The following TRRAP variants were observed in gnomAD, a reference collection of about 807,000 sequenced individuals.
TRRAP encodes transformation/transcription domain-associated protein.
TRRAP carries 41 observed loss-of-function variants against 438.8 expected under a neutral mutation model. The observed-to-expected ratio is 0.09, with a 90% CI of 0.07 to 0.12. The LOEUF is 0.12. Ranked by LOEUF, TRRAP falls within the 10% of genes least tolerant of loss-of-function variation. TRRAP has a pLI of 1.00. For missense variants in TRRAP, 3,122 were observed against 5,055.1 expected, an observed-to-expected ratio of 0.62 and a Z score of 11.60; for synonymous variants, 1,994 against 1,962.9, an observed-to-expected ratio of 1.02 and a Z score of -0.42.
Position 98,921,816 on chromosome 7 carries a change from G to A in TRRAP, c.2686G>A (p.Gly896Ser), listed in dbSNP as rs781890433. Reference protein sequence around the residue: ...SISHVAYRVLGKFGGSNRKML... With the variant: ...SISHVAYRVLSKFGGSNRKML... ...CTCCCACGTGGCCTACCGTGTGCTC[G>A]GTAAGTTTGGCGGCAGTAACAGGAA... Residue 896 changes from glycine to serine, a missense_variant, in exon 21 of 73, where the codon GGT becomes AGT. Gly to Ser is a moderately conservative substitution (Grantham distance 56). Coordinates refer to ENST00000456197, the MANE Select transcript of TRRAP (RefSeq NM_001375524.1). 5.6e-6 allele frequency: 9 copies of A among 1,614,182 alleles called. No homozygotes were observed. Among genetic ancestry groups the A allele is most frequent in the Non-Finnish European group, 6.8e-6 (8 of 1,180,028 alleles).
At chr7:98,921,122 C>T (rs1250401839) in intron 20 of TRRAP, among the ~76,000 whole-genome samples, 1 of 152,236 alleles carries the variant, frequency 6.6e-6, no homozygotes, top group Non-Finnish European at 1.5e-5. Flanking sequence ...CAGGCGTGAG[C>T]AGCATGTGCC....
intron 33 of TRRAP, 21 bp downstream of exon 33, chr7:98,945,971 A>G (rs1554416697): frequency 1.4e-6 from 2 of 1,442,630 alleles, no homozygotes; most frequent in African/African-American, 2.9e-5. Context: ...GAGCGGAGCT[A>G]CAGGAGGGGG....
At chr7:98,984,041 T>C in intron 60 of TRRAP, 52 bp from the exon 61 acceptor site, 2 of 1,504,620 alleles carry the variant, frequency 1.3e-6, no homozygotes, top group Non-Finnish European at 8.9e-7. Flanking sequence ...TGTTGTGAAG[T>C]GCTTTGAAAG....
rs184160155 is a variant in TRRAP, at chr7:98,914,173, T to C, written c.2200-1550T>C. Among the ~76,000 whole-genome samples the C allele has an allele frequency of 6.1e-3, 934 of 152,182 alleles. 10 individuals are homozygous for C. Among genetic ancestry groups the C allele is most frequent in the African/African-American group, 0.021 (870 of 41,516 alleles). On this transcript the variant is annotated intron_variant, in intron 18 of 72. Coordinates refer to ENST00000456197, the MANE Select transcript of TRRAP (RefSeq NM_001375524.1). ...ACTTCCGGAGGCTGAGGCAGGAGGA[T>C]TGCTTGAGCCCAAGAGTTCAAGACC...
intron 62 of TRRAP, among the ~76,000 whole-genome samples, chr7:98,985,867 C>T (rs1345414223): frequency 6.6e-6 from 1 of 152,198 alleles, no homozygotes; most frequent in East Asian, 1.9e-4. Flanking sequence ...CAGTGTTACA[C>T]AACCATTACC....
chr7:98,967,303 A>C (rs1792199890), intron 50 of TRRAP, 141 bp downstream of exon 50: 2 of 1,333,202 alleles, frequency 1.5e-6, no homozygotes, highest in Non-Finnish European at 2.1e-6. Flanking sequence ...TGTGTGACCT[A>C]CTTTGGTGTC....
intron 48 of TRRAP, among the ~76,000 whole-genome samples, chr7:98,965,181 G>A (rs1792097648): frequency 6.6e-6 from 1 of 152,276 alleles, no homozygotes; most frequent in Non-Finnish European, 1.5e-5. Flanking sequence ...AAGTCTGTGA[G>A]TGTAAGAATG....
intron 18 of TRRAP, among the ~76,000 whole-genome samples, chr7:98,914,182 C>G (rs1789411492): frequency 6.6e-6 from 1 of 151,966 alleles, no homozygotes; most frequent in Non-Finnish European, 1.5e-5. Flanking sequence ...ATTGCTTGAG[C>G]CCAAGAGTTC....
Position 98,964,792 on chromosome 7 carries a change from C to T in TRRAP, c.6976+17C>T, listed in dbSNP as rs114098325. The T allele has an allele frequency of 2.1e-4, 336 of 1,606,130 alleles. 1 individual carries two copies. In the African/African-American group the frequency reaches 3.3e-3, roughly 16 times the overall value. ...CCACCTCAGGTGATGTGCTGGCCAC[C>T]GGGGGCCTTTCCTCAGACTCTGTTG... On this transcript the variant is annotated intron_variant, in intron 48 of 72. Transcript: ENST00000456197.
In TRRAP at chr7:98,935,564, T is replaced by G. The variant is rs62472016; in HGVS notation, c.4015-15T>G. On this transcript the variant is annotated splice_polypyrimidine_tract_variant and intron_variant, in intron 27 of 72. Transcript: ENST00000456197. ...AGGAAGAGTGGGCTAAATGAAATTGTTTTATCTTTTGCAGCTGTTGAATTT... is the reference window on the plus strand; with the variant it reads ...AGGAAGAGTGGGCTAAATGAAATTGGTTTATCTTTTGCAGCTGTTGAATTT... 0.053 allele frequency: 84,972 copies of G among 1,593,706 alleles called. 2,596 individuals are homozygous for G. The highest frequency in any genetic ancestry group is 0.059 in the Non-Finnish European group (68,484 of 1,163,490).
intron 6 of TRRAP, among the ~76,000 whole-genome samples, chr7:98,895,473 A>G (rs940306343): frequency 6.6e-6 from 1 of 152,224 alleles, no homozygotes; most frequent in Admixed American, 6.5e-5. Context: ...GTTCCATCCT[A>G]TCAGGCATTG....
chr7:98,910,401 T>G lies in TRRAP; in HGVS notation c.1696T>G (p.Ser566Ala), dbSNP rs782537679. 6.2e-7 allele frequency: 1 copy of G among 1,609,372 alleles called. No individual in the cohort carries two copies. Among genetic ancestry groups the G allele is most frequent in the Admixed American group, 1.7e-5 (1 of 59,870 alleles). Residue 566 changes from serine (S) to alanine (A), a missense_variant, in exon 15 of 73, where the codon TCA (serine) becomes GCA (alanine). Physicochemically the swap from Ser to Ala is moderately conservative, Grantham distance 99. This residue lies in a region of TRRAP where 149 missense variants were observed against 302.8 expected (regional missense o/e 0.49). Transcript: ENST00000456197. Reference protein sequence around the residue: ...GVKTITWGITSCKAPGEAQFI... With the variant: ...GVKTITWGITACKAPGEAQFI... The stretch of plus-strand genomic sequence containing the variant: ...CAAGACAATCACGTGGGGCATAACA[T>G]CATGCAAAGCACCTGGTGGTAATTC...
chr7:98,890,086 T>A (rs1194696583), intron 3 of TRRAP, among the ~76,000 whole-genome samples: 1 of 152,156 alleles, frequency 6.6e-6, no homozygotes, highest in Admixed American at 6.6e-5. Context: ...AGGTTCCAGG[T>A]TCAGCATTTC....
intron 33 of TRRAP, among the ~76,000 whole-genome samples, chr7:98,947,675 C>T (rs368440906): frequency 2.0e-5 from 3 of 152,114 alleles, no homozygotes; most frequent in Non-Finnish European, 4.4e-5. Flanking sequence ...AGGCTGGTCT[C>T]GAACTCCTGA....
chr7:98,907,237 C>T (rs1240093569), intron 13 of TRRAP, among the ~76,000 whole-genome samples: 4 of 151,872 alleles, frequency 2.6e-5, no homozygotes, highest in Non-Finnish European at 5.9e-5. Context: ...GCAGGGGAAT[C>T]GCTTGAACCC....
At chr7:98,947,968 G>A (rs1436561508) in intron 33 of TRRAP, among the ~76,000 whole-genome samples, 1 of 152,148 alleles carries the variant, frequency 6.6e-6, no homozygotes, top group African/African-American at 2.4e-5. Flanking sequence ...CGATCACATC[G>A]GGTGTACACC....
chr7:98,927,470 T>A, intron 23 of TRRAP, 104 bp downstream of exon 23: 1 of 1,400,720 alleles, frequency 7.1e-7, no homozygotes, highest in South Asian at 1.4e-5. Context: ...AAGCTGAGTT[T>A]GGCTGATTGA....
intron 23 of TRRAP, among the ~76,000 whole-genome samples, chr7:98,928,289 A>G (rs1338975729): frequency 6.6e-6 from 1 of 152,100 alleles, no homozygotes; most frequent in African/African-American, 2.4e-5. Flanking sequence ...GTTGCTACAT[A>G]AGTTTCTGAA....
At position 99,005,276 on chromosome 7, in the gene TRRAP, C is replaced by G; in HGVS notation, c.10681C>G (p.Gln3561Glu). 6.2e-7 allele frequency: 1 copy of G among 1,614,168 alleles called. No homozygotes were observed. The change falls in exon 69 of 73, where the codon CAG (glutamine) becomes GAG (glutamate). Residue 3561 changes from glutamine (Q) to glutamate (E), a missense_variant. By Grantham distance (29) the Gln-to-Glu change is conservative. This residue lies in a region of TRRAP where 95 missense variants were observed against 144.1 expected (regional missense o/e 0.66). Coordinates refer to ENST00000456197, the MANE Select transcript of TRRAP (RefSeq NM_001375524.1). The surrounding 1 kb of genome is among the most constrained non-coding windows in gnomAD (Gnocchi z 5.1). ...TESRREERVL[Q>E]LLRLLNPCLE... Reference sequence around the variant, plus strand: ...GTCACGGCGAGAGGAGCGTGTGTTGCAGCTGCTGCGTCTGCTGAACCCCTG... The same window carrying G: ...GTCACGGCGAGAGGAGCGTGTGTTGGAGCTGCTGCGTCTGCTGAACCCCTG...
Sources: allele counts gnomAD v4.1 joint callset (sites outside exome capture counted in the v4.1 genomes callset), GRCh38; gene constraint gnomAD v4.1.1; regional missense constraint gnomAD v4.1.1; non-coding constraint Gnocchi (gnomAD v3.1); transcripts MANE v1.5; gene names NCBI Gene and HGNC (gene_info 2026-07-23, HGNC 2026-07-21).